The following ZDHHC14 variants were observed in gnomAD, a reference collection of about 807,000 sequenced individuals.
The protein encoded by ZDHHC14 is zDHHC palmitoyltransferase 14.
In ZDHHC14, 16 loss-of-function variants were observed where a neutral mutation model predicts 47.7. The ratio of observed to expected loss-of-function variants is 0.34; its 90% CI spans 0.23 to 0.51. The LOEUF (loss-of-function observed/expected upper bound fraction) is 0.51, where lower values mean the gene tolerates loss of function less well. ZDHHC14 is among the 20% of genes least tolerant of loss of function. The pLI, the probability that ZDHHC14 is intolerant of heterozygous loss-of-function variation, is 0.97. For synonymous variants in ZDHHC14, 293 were observed against 278.9 expected, an observed-to-expected ratio of 1.05 and a Z score of -0.50; for missense variants, 515 against 662.5, an observed-to-expected ratio of 0.78 and a Z score of 2.44.
intron 1 of ZDHHC14, among the ~76,000 whole-genome samples, chr6:157,392,578 C>A (rs1460563265): frequency 7.9e-5 from 12 of 151,974 alleles, no homozygotes; most frequent in African/African-American, 2.9e-4. Context: ...ACTTTCTAGT[C>A]TTCGGTGCTT....
At chr6:157,384,877 G>A (rs1348081731) in intron 1 of ZDHHC14, among the ~76,000 whole-genome samples, 1 of 152,140 alleles carries the variant, frequency 6.6e-6, no homozygotes, top group East Asian at 1.9e-4. Flanking sequence ...CCTTTCTCCT[G>A]CCTTCCTCTA....
Position 157,521,540 on chromosome 6 carries a change from C to T in ZDHHC14, c.246-21045C>T, listed in dbSNP as rs528697171. Reference sequence around the variant, plus strand: ...GACCCACTTTCTGGTTCAAAGATGGCACCTTCTAGCTGTGCCCTCACATGG... The same window carrying T: ...GACCCACTTTCTGGTTCAAAGATGGTACCTTCTAGCTGTGCCCTCACATGG... On this transcript the variant is annotated intron_variant, in intron 1 of 8. Transcript: ENST00000359775. Among the ~76,000 whole-genome samples, 10 of 152,350 alleles carry T rather than the reference C, an allele frequency of 6.6e-5. No individual in the cohort carries two copies. The South Asian group carries it at 1.4e-3, about 22-fold the overall frequency.
chr6:157,436,852 G>C (rs1204916846), intron 1 of ZDHHC14, among the ~76,000 whole-genome samples: 1 of 152,146 alleles, frequency 6.6e-6, no homozygotes, highest in African/African-American at 2.4e-5. Context: ...AGATGCTGGA[G>C]GGAGGTCGAG....
At chr6:157,664,820 G>A (rs1201990299) in intron 8 of ZDHHC14, among the ~76,000 whole-genome samples, 3 of 152,130 alleles carry the variant, frequency 2.0e-5, no homozygotes, top group African/African-American at 7.2e-5. Context: ...TGGGGCAGGG[G>A]ATTCTCACCC....
intron 1 of ZDHHC14, among the ~76,000 whole-genome samples, chr6:157,481,360 G>C (rs1369765479): frequency 6.6e-6 from 1 of 152,194 alleles, no homozygotes; most frequent in African/African-American, 2.4e-5. Flanking sequence ...AGGTTGAGCC[G>C]TTATGAGTGA....
chr6:157,489,542 G>C (rs1056593239), intron 1 of ZDHHC14, among the ~76,000 whole-genome samples: 1 of 150,782 alleles, frequency 6.6e-6, no homozygotes, highest in South Asian at 2.1e-4. Context: ...TTGAGGCACT[G>C]GGTGTAGGTG....
chr6:157,460,221 A>AAAAAC (rs1420366865), intron 1 of ZDHHC14, among the ~76,000 whole-genome samples: 1 of 150,444 alleles, frequency 6.6e-6, no homozygotes, highest in African/African-American at 2.4e-5. Flanking sequence ...AACAAAAACA[A>AAAAAC]AAAACAAAAC....
chr6:157,456,997 T>TAATAAATAAATAAATAAATA (rs557075276), intron 1 of ZDHHC14, among the ~76,000 whole-genome samples: 10,781 of 146,852 alleles, frequency 0.073, 568 homozygotes, highest in Non-Finnish European at 0.11. Flanking sequence ...AAAAATACAA[T>TAATAAATAAATAAATAAATA]AATAAATAAA....
intron 2 of ZDHHC14, among the ~76,000 whole-genome samples, chr6:157,584,295 C>G (rs1783613618): frequency 6.6e-6 from 1 of 151,998 alleles, no homozygotes; most frequent in Non-Finnish European, 1.5e-5. Context: ...GGACTCCTCT[C>G]TGGTGGCTGT....
chr6:157,540,676 G>A (rs553926403), intron 1 of ZDHHC14, among the ~76,000 whole-genome samples: 28 of 152,104 alleles, frequency 1.8e-4, no homozygotes, highest in African/African-American at 6.0e-4. Context: ...TCTTGAGAAG[G>A]GGGAAAAACG....
intron 8 of ZDHHC14, among the ~76,000 whole-genome samples, chr6:157,667,791 T>C (rs78502238): frequency 0.038 from 5,720 of 152,282 alleles, 383 homozygotes; most frequent in African/African-American, 0.13. Context: ...AAAAGCTCTT[T>C]TAAAAAAATC....
At chr6:157,621,425 T>C (rs1387992111) in intron 3 of ZDHHC14, among the ~76,000 whole-genome samples, 1 of 152,236 alleles carries the variant, frequency 6.6e-6, no homozygotes, top group African/African-American at 2.4e-5. Flanking sequence ...TGATTAACAT[T>C]TAAATTAGAA....
chr6:157,491,466 T>C (rs981815963), intron 1 of ZDHHC14, among the ~76,000 whole-genome samples: 2 of 152,220 alleles, frequency 1.3e-5, no homozygotes, highest in Non-Finnish European at 2.9e-5. Context: ...GCTAGGTTAG[T>C]GTTGCTGGAC....
chr6:157,590,968 T>A (rs1258324132), intron 2 of ZDHHC14, among the ~76,000 whole-genome samples: 1 of 152,252 alleles, frequency 6.6e-6, no homozygotes, highest in Non-Finnish European at 1.5e-5. Context: ...TTTGGAACTT[T>A]AAGCTTTAAT....
chr6:157,570,015 T>C (rs1783039110), intron 2 of ZDHHC14, among the ~76,000 whole-genome samples: 1 of 152,222 alleles, frequency 6.6e-6, no homozygotes, highest in Non-Finnish European at 1.5e-5. Flanking sequence ...CTTAGGACCA[T>C]AATAGATGGG....
At chr6:157,416,360 A>T (rs1583625916) in intron 1 of ZDHHC14, among the ~76,000 whole-genome samples, 1 of 152,080 alleles carries the variant, frequency 6.6e-6, no homozygotes, top group African/African-American at 2.4e-5. Flanking sequence ...AGTATTTTTC[A>T]TCTTGATTTA....
intron 1 of ZDHHC14, among the ~76,000 whole-genome samples, chr6:157,517,176 C>T (rs1261289005): frequency 6.6e-6 from 1 of 152,166 alleles, no homozygotes; most frequent in Admixed American, 6.5e-5. Flanking sequence ...CTGACTCCCC[C>T]TCCTCAGGAA....
At chr6:157,447,818 TG>T (rs1228985400) in intron 1 of ZDHHC14, among the ~76,000 whole-genome samples, 4 of 152,144 alleles carry the variant, frequency 2.6e-5, no homozygotes, top group Non-Finnish European at 5.9e-5. Context: ...CCACAAATGT[TG>T]GGGGCTTTTC....
chr6:157,382,018 G>T lies in ZDHHC14; in HGVS notation c.-4G>T, dbSNP rs768745162. 1 of 1,490,914 alleles carries T rather than the reference G, an allele frequency of 6.7e-7. No individual in the cohort carries two copies. Among genetic ancestry groups the T allele is most frequent in the Admixed American group, 2.4e-5 (1 of 41,552 alleles). 92.4% of individuals were successfully genotyped at this position (1,490,914 alleles called of 1,614,324 possible). On this transcript the variant is annotated 5_prime_UTR_variant, in exon 1 of 9. Coordinates refer to ENST00000359775, the MANE Select transcript of ZDHHC14 (RefSeq NM_024630.3). ...TGTGCGCCCCCAGCCGGCTGCCCTC[G>T]TGGATGCCTCCCGGCGGCGGCGGGC...
Sources: allele counts gnomAD v4.1 joint callset (sites outside exome capture counted in the v4.1 genomes callset), GRCh38; gene constraint gnomAD v4.1.1; transcripts MANE v1.5; gene names NCBI Gene and HGNC (gene_info 2026-07-23, HGNC 2026-07-21).